Variants in CCDC148 observed in about 807,000 individuals in gnomAD.
The protein encoded by CCDC148 is coiled-coil domain-containing protein 148.
CCDC148 carries 89 observed loss-of-function variants against 85.7 expected under a neutral mutation model. That is an observed-to-expected ratio of 1.04 (90% CI 0.87 to 1.24). CCDC148 has a LOEUF of 1.24. CCDC148 is among the 50% of genes most tolerant of loss of function. CCDC148 has a pLI of 0.00. For synonymous variants in CCDC148, 230 were observed against 213.9 expected, an observed-to-expected ratio of 1.08 and a Z score of -0.66; for missense variants, 692 against 671.7, an observed-to-expected ratio of 1.03 and a Z score of -0.33.
chr2:158,235,753 T>A (rs748291469), intron 10 of CCDC148: 1 of 152,110 alleles, frequency 6.6e-6, no homozygotes, highest in South Asian at 2.1e-4. Flanking sequence ...CACTGAAAAT[T>A]AGGATAAGTT....
intron 9 of CCDC148, among the ~76,000 whole-genome samples, chr2:158,262,435 T>A (rs1466797402): frequency 6.6e-6 from 1 of 151,874 alleles, no homozygotes; most frequent in Non-Finnish European, 1.5e-5. Flanking sequence ...GGTGATGAAA[T>A]ATATCTGCAC....
intron 11 of CCDC148, among the ~76,000 whole-genome samples, chr2:158,184,034 A>C (rs552740084): frequency 2.0e-5 from 3 of 152,276 alleles, no homozygotes; most frequent in Admixed American, 6.5e-5. Flanking sequence ...TGGAAATTGC[A>C]CAGGAAGACA....
intron 1 of CCDC148, among the ~76,000 whole-genome samples, chr2:158,376,477 C>T (rs1684654831): frequency 6.6e-6 from 1 of 151,986 alleles, no homozygotes. Flanking sequence ...AGCAACCTAC[C>T]ACTCTTTAAC....
At chr2:158,269,994 T>G (rs767488215) in intron 9 of CCDC148, among the ~76,000 whole-genome samples, 2 of 152,122 alleles carry the variant, frequency 1.3e-5, no homozygotes, top group African/African-American at 4.8e-5. Context: ...AAGTATGCAT[T>G]TTTTCCTTCT....
At chr2:158,380,657 T>C (rs1684832677) in intron 1 of CCDC148, among the ~76,000 whole-genome samples, 1 of 152,248 alleles carries the variant, frequency 6.6e-6, no homozygotes, top group South Asian at 2.1e-4. Flanking sequence ...AGGACAAGGA[T>C]AGCCAAGAGA....
chr2:158,211,044 G>A (rs1357525089), intron 11 of CCDC148, among the ~76,000 whole-genome samples: 1 of 151,874 alleles, frequency 6.6e-6, no homozygotes, highest in Non-Finnish European at 1.5e-5. Context: ...TGGGGGTTGG[G>A]GGCTAGGGGA....
At chr2:158,337,309 G>T (rs550047538) in intron 7 of CCDC148, among the ~76,000 whole-genome samples, 1 of 151,918 alleles carries the variant, frequency 6.6e-6, no homozygotes, top group African/African-American at 2.4e-5. Flanking sequence ...TAAATGATAG[G>T]GTCAGATTTA....
intron 11 of CCDC148, among the ~76,000 whole-genome samples, chr2:158,213,553 T>C (rs544825698): frequency 6.6e-6 from 1 of 152,328 alleles, no homozygotes; most frequent in Admixed American, 6.5e-5. Flanking sequence ...ATAAGCATTT[T>C]CAAAATGTCA....
Position 158,456,669 on chromosome 2 carries a change from C to T in CCDC148, c.-230G>A, listed in dbSNP as rs779627200. 5 of 585,030 alleles carry T rather than the reference C, an allele frequency of 8.5e-6. No homozygotes were observed. Among genetic ancestry groups the T allele is most frequent in the Admixed American group, 3.1e-5 (1 of 32,060 alleles). The allele number at this position is 585,030 out of a possible 1,614,324, so 36.2% of individuals were successfully genotyped here. A position where few individuals can be genotyped will look rare whatever the true frequency, so the allele number is the denominator to read the frequency against. ...AATCTCCCTGTCCTCTCCGCCACCC[C>T]CTCCCGCGCCCGAGACCTGAGACAC... On this transcript the variant is annotated 5_prime_UTR_variant, in exon 1 of 14. Transcript: ENST00000283233.
At chr2:158,378,585 A>C (rs1370202370) in intron 1 of CCDC148, among the ~76,000 whole-genome samples, 1 of 152,162 alleles carries the variant, frequency 6.6e-6, no homozygotes, top group Non-Finnish European at 1.5e-5. Flanking sequence ...GCCAGAGATG[A>C]AAAAACAATG....
intron 9 of CCDC148, among the ~76,000 whole-genome samples, chr2:158,268,305 A>T (rs1271488112): frequency 6.6e-6 from 1 of 152,066 alleles, no homozygotes; most frequent in African/African-American, 2.4e-5. Context: ...ACGCCCTCTT[A>T]TAGGGTGTAG....
At chr2:158,240,435 T>TTCTC (rs72429578) in intron 10 of CCDC148, among the ~76,000 whole-genome samples, 77 of 126,506 alleles carry the variant, frequency 6.1e-4, no homozygotes, top group East Asian at 3.2e-3. Context: ...CACTCTCTCT[T>TTCTC]TCTCTCTCTC....
At chr2:158,365,655 G>A (rs554534229) in intron 1 of CCDC148, among the ~76,000 whole-genome samples, 24 of 152,158 alleles carry the variant, frequency 1.6e-4, no homozygotes, top group East Asian at 3.9e-4. Context: ...GGGGCCTGTC[G>A]GGGGGTGGAG....
intron 9 of CCDC148, among the ~76,000 whole-genome samples, chr2:158,252,650 C>T (rs1395404671): frequency 6.6e-6 from 1 of 151,672 alleles, no homozygotes; most frequent in Non-Finnish European, 1.5e-5. Flanking sequence ...TGTTTCTCTA[C>T]CAACAGATAC....
intron 1 of CCDC148, among the ~76,000 whole-genome samples, chr2:158,418,875 G>C (rs1296982557): frequency 2.0e-5 from 3 of 152,102 alleles, no homozygotes; most frequent in African/African-American, 7.2e-5. Flanking sequence ...GTGAATCAAT[G>C]AGTGAATCAT....
chr2:158,354,741 A>T (rs2105262052), intron 2 of CCDC148, among the ~76,000 whole-genome samples: 1 of 151,414 alleles, frequency 6.6e-6, no homozygotes, highest in African/African-American at 2.4e-5. Flanking sequence ...GGCCAGCATC[A>T]TTCTGATACC....
At chr2:158,177,771 T>G (rs1308328648) in intron 12 of CCDC148, among the ~76,000 whole-genome samples, 1 of 152,170 alleles carries the variant, frequency 6.6e-6, no homozygotes, top group Non-Finnish European at 1.5e-5. Context: ...AATAGTCGTA[T>G]GCATTTATGC....
chr2:158,322,841 T>C (rs2105222373), intron 7 of CCDC148, among the ~76,000 whole-genome samples: 1 of 152,146 alleles, frequency 6.6e-6, no homozygotes, highest in Middle Eastern at 3.4e-3. Context: ...AATAATAGAA[T>C]ATTAATTATA....
In CCDC148 at chr2:158,309,528, T is replaced by C; in HGVS notation, c.1015A>G (p.Thr339Ala). 1 of 1,614,010 alleles carries C rather than the reference T, an allele frequency of 6.2e-7. No homozygotes were observed. Among genetic ancestry groups the C allele is most frequent in the Non-Finnish European group, 8.5e-7 (1 of 1,179,854 alleles). The change falls in exon 9 of 14, where the codon ACA becomes GCA. Residue 339 changes from threonine to alanine, a missense_variant. Coordinates refer to ENST00000283233, the MANE Select transcript of CCDC148 (RefSeq NM_138803.4). ...KKDFIQKAVL[T>A]LTEACATHEM... Reference sequence around the variant, plus strand: ...TGTGTTGCACAAGCCTCAGTGAGTGTCAGCACAGCCTTCTGTATAAAGTCT... The same window carrying C: ...TGTGTTGCACAAGCCTCAGTGAGTGCCAGCACAGCCTTCTGTATAAAGTCT...
Sources: allele counts gnomAD v4.1 joint callset (sites outside exome capture counted in the v4.1 genomes callset), GRCh38; gene constraint gnomAD v4.1.1; transcripts MANE v1.5; gene names NCBI Gene and HGNC (gene_info 2026-07-23, HGNC 2026-07-21).